The following NKAIN3 variants were observed in gnomAD, a reference collection of about 807,000 sequenced individuals.
NKAIN3 encodes the protein sodium/potassium transporting ATPase interacting 3.
NKAIN3 carries 25 observed loss-of-function variants against 30.2 expected under a neutral mutation model. The observed-to-expected ratio is 0.83, with a 90% CI of 0.60 to 1.16. NKAIN3 has a LOEUF of 1.16. Among genes scored for constraint, NKAIN3 ranks in the 50% most tolerant of loss-of-function variants. NKAIN3 has a pLI of 0.00. For synonymous variants in NKAIN3, 91 were observed against 89.6 expected, an observed-to-expected ratio of 1.02 and a Z score of -0.09; for missense variants, 225 against 254.1, an observed-to-expected ratio of 0.89 and a Z score of 0.78.
At chr8:62,838,491 A>G (rs1294441189) in intron 4 of NKAIN3, among the ~76,000 whole-genome samples, 1 of 152,002 alleles carries the variant, frequency 6.6e-6, no homozygotes, top group Non-Finnish European at 1.5e-5. Context: ...TGTAGCTAGA[A>G]TAACTCTCAA....
intron 4 of NKAIN3, among the ~76,000 whole-genome samples, chr8:62,781,790 A>G (rs899723829): frequency 6.6e-6 from 1 of 151,102 alleles, no homozygotes; most frequent in African/African-American, 2.5e-5. Context: ...TAAAGATTTT[A>G]AGGTAAGATG....
intron 4 of NKAIN3, among the ~76,000 whole-genome samples, chr8:62,842,533 A>G (rs1265456663): frequency 6.6e-6 from 1 of 152,154 alleles, no homozygotes; most frequent in East Asian, 1.9e-4. Context: ...TGGAACCACA[A>G]TACACCCCAG....
chr8:62,557,333 T>A (rs1302659517), intron 1 of NKAIN3, among the ~76,000 whole-genome samples: 1 of 152,138 alleles, frequency 6.6e-6, no homozygotes, highest in South Asian at 2.1e-4. Flanking sequence ...GGTTCTACAT[T>A]GTTGCAGTTG....
At chr8:62,309,441 C>A (rs2129588534) in intron 1 of NKAIN3, among the ~76,000 whole-genome samples, 1 of 150,760 alleles carries the variant, frequency 6.6e-6, no homozygotes, top group Non-Finnish European at 1.5e-5. Flanking sequence ...AGCTACAGAT[C>A]TAGCTAAATT....
At chr8:62,942,702 A>G (rs571343202) in intron 5 of NKAIN3, among the ~76,000 whole-genome samples, 1 of 152,230 alleles carries the variant, frequency 6.6e-6, no homozygotes, top group East Asian at 1.9e-4. Context: ...AATGGAACAA[A>G]ATAGAGAACA....
chr8:62,884,930 C>T (rs10102270), intron 4 of NKAIN3, among the ~76,000 whole-genome samples: 46,150 of 151,530 alleles, frequency 0.3, 7,727 homozygotes, highest in East Asian at 0.64. Context: ...TCAATAGCTT[C>T]CTATTAAACT....
rs138906378 is a variant in NKAIN3 at position 62,553,605 on chromosome 8, C to T, written c.55-25934C>T. 5.7e-3 allele frequency among the ~76,000 whole-genome samples: 865 copies of T among 150,664 alleles called. 6 individuals carry two copies. Among genetic ancestry groups the T allele is most frequent in the African/African-American group, 0.02 (819 of 40,900 alleles). On this transcript the variant is annotated intron_variant, in intron 1 of 6. Coordinates refer to ENST00000623646, the MANE Select transcript of NKAIN3 (RefSeq NM_001304533.3). Reference sequence around the variant, plus strand: ...AGGCTGGAGTACAGTGGCGCGATCTCGGCTCACTGCCACCTCTGCCTCCTG... The same window carrying T: ...AGGCTGGAGTACAGTGGCGCGATCTTGGCTCACTGCCACCTCTGCCTCCTG...
At chr8:62,477,837 C>T (rs1806570504) in intron 1 of NKAIN3, among the ~76,000 whole-genome samples, 1 of 152,070 alleles carries the variant, frequency 6.6e-6, no homozygotes, top group Non-Finnish European at 1.5e-5. Context: ...AGCAGGACTG[C>T]CTAAAACAGT....
In NKAIN3 at chr8:62,972,649, G is replaced by A. The variant is rs1189141626; in HGVS notation, c.*7242G>A. Among the ~76,000 whole-genome samples the A allele has an allele frequency of 6.6e-6, 1 of 152,026 alleles. No homozygotes were observed. The highest frequency in any genetic ancestry group is 2.4e-5 in the African/African-American group (1 of 41,388). ...ATTCCTTTGCAGATCTTGAGTATTT[G>A]CCAATATTCTCTATGATTTATTTAC... On this transcript the variant is annotated 3_prime_UTR_variant, in exon 7 of 7. Coordinates refer to ENST00000623646, the MANE Select transcript of NKAIN3 (RefSeq NM_001304533.3).
chr8:62,285,706 C>A (rs1419052034), intron 1 of NKAIN3, among the ~76,000 whole-genome samples: 5 of 152,156 alleles, frequency 3.3e-5, no homozygotes, highest in African/African-American at 1.2e-4. Context: ...GGCCTTCAAA[C>A]TCCACTCTGT....
chr8:62,801,376 G>A (rs184958403), intron 4 of NKAIN3, among the ~76,000 whole-genome samples: 1,680 of 152,228 alleles, frequency 0.011, 22 homozygotes, highest in South Asian at 0.031. Flanking sequence ...CCCCGATAGG[G>A]GCAGACTGAC....
At chr8:62,737,126 A>G (rs1222063310) in intron 3 of NKAIN3, among the ~76,000 whole-genome samples, 2 of 152,194 alleles carry the variant, frequency 1.3e-5, no homozygotes, top group East Asian at 3.9e-4. Flanking sequence ...GTGTTCCTGC[A>G]GTAGACCTTG....
chr8:62,381,427 C>G (rs916883759), intron 1 of NKAIN3, among the ~76,000 whole-genome samples: 68 of 152,038 alleles, frequency 4.5e-4, no homozygotes, highest in African/African-American at 1.6e-3. Flanking sequence ...TCTTCTCTAC[C>G]CTCGAAAGTC....
intron 3 of NKAIN3, among the ~76,000 whole-genome samples, chr8:62,627,017 A>G (rs1811809744): frequency 6.6e-6 from 1 of 152,194 alleles, no homozygotes; most frequent in Non-Finnish European, 1.5e-5. Context: ...AGCCAGAGCT[A>G]GGAAAGAACT....
chr8:62,822,230 T>C (rs960775824), intron 4 of NKAIN3, among the ~76,000 whole-genome samples: 2 of 152,184 alleles, frequency 1.3e-5, no homozygotes, highest in African/African-American at 4.8e-5. Context: ...GCATAATTTA[T>C]TTCCTCTCAC....
At chr8:62,428,371 G>T (rs1021127129) in intron 1 of NKAIN3, among the ~76,000 whole-genome samples, 1 of 151,830 alleles carries the variant, frequency 6.6e-6, no homozygotes, top group Non-Finnish European at 1.5e-5. Context: ...AAGTGAGATT[G>T]CTAGCTCATA....
In NKAIN3 at chr8:62,380,127, G is replaced by A. The variant is rs1278738878; in HGVS notation, c.54+131000G>A. On this transcript the variant is annotated intron_variant, in intron 1 of 6. Transcript: ENST00000623646. Reference sequence around the variant, plus strand: ...TATTGTATGTTAACATTGTTAACATGTATTTGTTTGAAATAGCTTAGGCAG... The same window carrying A: ...TATTGTATGTTAACATTGTTAACATATATTTGTTTGAAATAGCTTAGGCAG... Among the ~76,000 whole-genome samples the A allele has an allele frequency of 2.0e-5, 3 of 152,170 alleles. No homozygotes were observed. The East Asian group carries it at 5.8e-4, about 29-fold the overall frequency.
intron 1 of NKAIN3, among the ~76,000 whole-genome samples, chr8:62,404,588 A>G (rs1391555487): frequency 6.6e-6 from 1 of 152,156 alleles, no homozygotes; most frequent in African/African-American, 2.4e-5. Context: ...AAAGAAGGAA[A>G]GGACACGTTT....
At chr8:62,574,869 A>G (rs1339100331) in intron 1 of NKAIN3, among the ~76,000 whole-genome samples, 1 of 152,148 alleles carries the variant, frequency 6.6e-6, no homozygotes, top group Non-Finnish European at 1.5e-5. Context: ...CTCAAAAACC[A>G]TATGATCATT....
Sources: gnomAD v4.1 joint callset for allele counts (sites outside exome capture counted in the v4.1 genomes callset) on GRCh38, gnomAD v4.1.1 for gene constraint, MANE v1.5 for transcripts, NCBI Gene and HGNC (gene_info 2026-07-23, HGNC 2026-07-21) for gene names.